The following CSMD1 variants were observed in gnomAD, a reference collection of about 807,000 sequenced individuals.
CSMD1 encodes the protein CUB and sushi domain-containing protein 1.
CSMD1 carries 213 observed loss-of-function variants against 417.5 expected under a neutral mutation model. The observed-to-expected ratio is 0.51, with a 90% confidence interval of 0.46 to 0.57. The LOEUF (loss-of-function observed/expected upper bound fraction) is 0.57, where lower values mean the gene tolerates loss of function less well. Ranked by LOEUF, CSMD1 falls within the 20% of genes least tolerant of loss-of-function variation. CSMD1 has a pLI of 0.00. For synonymous variants in CSMD1, 2,862 were observed against 1,736.8 expected (o/e 1.65, Z -16.11); for missense variants, 6,923 against 4,529.7 (o/e 1.53, Z -15.17).
chr8:4,180,603 A>G (rs1798309770), intron 3 of CSMD1, among the ~76,000 whole-genome samples: 1 of 152,110 alleles, frequency 6.6e-6, no homozygotes, highest in Admixed American at 6.5e-5. Context: ...AAAAAATAAA[A>G]TAAAATACAA....
chr8:3,936,246 G>A (rs1465195932), intron 5 of CSMD1, among the ~76,000 whole-genome samples: 5 of 151,810 alleles, frequency 3.3e-5, no homozygotes, highest in East Asian at 3.9e-4. Context: ...AAGTGATGAT[G>A]GAAAGCTACA....
At chr8:3,462,895 C>G (rs991231088) in intron 12 of CSMD1, among the ~76,000 whole-genome samples, 2 of 152,146 alleles carry the variant, frequency 1.3e-5, no homozygotes, top group African/African-American at 4.8e-5. Context: ...GATGGGCCAG[C>G]CTTTAGAGCG....
At chr8:4,835,557 GCACA>G (rs1248356848) in intron 1 of CSMD1, among the ~76,000 whole-genome samples, 1 of 152,140 alleles carries the variant, frequency 6.6e-6, no homozygotes, top group Non-Finnish European at 1.5e-5. Context: ...GGTTAAGTTA[GCACA>G]CAGAGATTTT....
intron 12 of CSMD1, among the ~76,000 whole-genome samples, chr8:3,447,732 G>C (rs140581080): frequency 8.5e-4 from 130 of 152,318 alleles, no homozygotes; most frequent in African/African-American, 3.0e-3. Flanking sequence ...GGGATGGACA[G>C]GTCACTTGGA....
chr8:3,533,922 TC>T (rs1359673721), intron 10 of CSMD1, among the ~76,000 whole-genome samples: 5 of 152,190 alleles, frequency 3.3e-5, no homozygotes, highest in Non-Finnish European at 5.9e-5. Flanking sequence ...ATCCCTTTGG[TC>T]CACCAATCAC....
chr8:4,549,351 C>G (rs1797766682), intron 2 of CSMD1, among the ~76,000 whole-genome samples: 1 of 152,120 alleles, frequency 6.6e-6, no homozygotes, highest in Non-Finnish European at 1.5e-5. Context: ...AGAAAAATGA[C>G]TCTCTAATAA....
intron 1 of CSMD1, among the ~76,000 whole-genome samples, chr8:4,877,004 A>G (rs1226889836): frequency 2.0e-5 from 3 of 152,116 alleles, no homozygotes; most frequent in Non-Finnish European, 4.4e-5. Flanking sequence ...ATACAAAGAT[A>G]AAAGAGTTTC....
At chr8:4,405,725 C>G (rs1804971666) in intron 3 of CSMD1, among the ~76,000 whole-genome samples, 1 of 152,204 alleles carries the variant, frequency 6.6e-6, no homozygotes, top group Non-Finnish European at 1.5e-5. Context: ...ATGAAACCAT[C>G]TTTGAAGTTA....
At chr8:4,125,845 C>T (rs545932038) in intron 3 of CSMD1, among the ~76,000 whole-genome samples, 9 of 152,276 alleles carry the variant, frequency 5.9e-5, no homozygotes, top group African/African-American at 1.7e-4. Flanking sequence ...GTCCAGTCTG[C>T]TTTGCAGGAC....
intron 57 of CSMD1, 51 bp from the exon 58 acceptor site, chr8:2,966,797 A>C: frequency 6.3e-7 from 1 of 1,576,384 alleles, no homozygotes; most frequent in South Asian, 1.1e-5. Flanking sequence ...CCCAGCATGA[A>C]AATGGCAAAC....
In CSMD1 at chr8:3,856,033, C is replaced by G. The variant is rs151029187; in HGVS notation, c.819-101991G>C. ...TTATATCTAGACAAACATTACCAAACTTTTATGTCATTCACATCATACTGT... is the reference window on the plus strand; with the variant it reads ...TTATATCTAGACAAACATTACCAAAGTTTTATGTCATTCACATCATACTGT... On this transcript the variant is annotated intron_variant, in intron 5 of 69. Transcript: ENST00000635120. 3.7e-3 allele frequency among the ~76,000 whole-genome samples: 561 copies of G among 152,014 alleles called. 3 individuals are homozygous for G. Among genetic ancestry groups the G allele is most frequent in the African/African-American group, 7.4e-3 (305 of 41,462 alleles).
chr8:3,940,701 A>T (rs1810821753), intron 5 of CSMD1, among the ~76,000 whole-genome samples: 1 of 151,986 alleles, frequency 6.6e-6, no homozygotes, highest in African/African-American at 2.4e-5. Context: ...ATTGCTTTTT[A>T]TAATACAAAT....
At chr8:4,149,582 T>C in intron 3 of CSMD1, among the ~76,000 whole-genome samples, 1 of 152,182 alleles carries the variant, frequency 6.6e-6, no homozygotes, top group East Asian at 1.9e-4. Context: ...CCGAACCAGA[T>C]TTATGCTAAA....
intron 11 of CSMD1, among the ~76,000 whole-genome samples, chr8:3,473,453 T>C (rs1817223411): frequency 6.6e-6 from 1 of 152,190 alleles, no homozygotes; most frequent in Non-Finnish European, 1.5e-5. Context: ...TTTATGTTAT[T>C]TTATAATTAT....
chr8:3,582,033 G>A (rs1366522749), intron 9 of CSMD1, among the ~76,000 whole-genome samples: 1 of 152,178 alleles, frequency 6.6e-6, no homozygotes, highest in Non-Finnish European at 1.5e-5. Context: ...GACCTCAGGT[G>A]ATCTGCCTGC....
At chr8:3,784,034 C>G (rs1799318461) in intron 5 of CSMD1, among the ~76,000 whole-genome samples, 1 of 152,212 alleles carries the variant, frequency 6.6e-6, no homozygotes, top group African/African-American at 2.4e-5. Context: ...TACAACATGC[C>G]TGACAGCACT....
chr8:4,427,037 G>A (rs1043124891), intron 2 of CSMD1, among the ~76,000 whole-genome samples: 5 of 152,078 alleles, frequency 3.3e-5, no homozygotes, highest in Admixed American at 2.0e-4. Flanking sequence ...ACGAGAACTG[G>A]TGTAGACGGA....
intron 5 of CSMD1, among the ~76,000 whole-genome samples, chr8:3,955,443 A>G (rs2129923878): frequency 6.6e-6 from 1 of 152,334 alleles, no homozygotes; most frequent in East Asian, 1.9e-4. Flanking sequence ...AACCAGAATG[A>G]AAAAATGTAG....
intron 7 of CSMD1, among the ~76,000 whole-genome samples, chr8:3,681,765 G>T (rs907986504): frequency 5.3e-5 from 8 of 152,158 alleles, no homozygotes; most frequent in African/African-American, 1.9e-4. Flanking sequence ...AAAGCTGGAG[G>T]CATCACACTA....
Sources: gnomAD v4.1 joint callset for allele counts (sites outside exome capture counted in the v4.1 genomes callset) on GRCh38, gnomAD v4.1.1 for gene constraint, MANE v1.5 for transcripts, NCBI Gene and HGNC (gene_info 2026-07-23, HGNC 2026-07-21) for gene names.